The following WWP1 variants were observed in gnomAD, a reference collection of about 807,000 sequenced individuals.
The protein encoded by WWP1 is NEDD4-like E3 ubiquitin-protein ligase WWP1.
In WWP1, 49 loss-of-function variants were observed where a neutral mutation model predicts 130.6. The ratio of observed to expected loss-of-function variants is 0.38; its 90% CI spans 0.30 to 0.48. The LOEUF (loss-of-function observed/expected upper bound fraction) is 0.48, where lower values mean the gene tolerates loss of function less well. WWP1 is among the 20% of genes least tolerant of loss of function. The pLI, the probability that WWP1 is intolerant of heterozygous loss-of-function variation, is 0.99. For synonymous variants in WWP1, 332 were observed against 367.8 expected (o/e 0.90, Z 1.11); for missense variants, 809 against 1,100.6 (o/e 0.74, Z 3.75).
intron 10 of WWP1, among the ~76,000 whole-genome samples, chr8:86,426,168 A>G (rs1809614694): frequency 6.6e-6 from 1 of 152,240 alleles, no homozygotes; most frequent in Admixed American, 6.5e-5. Context: ...ATATTGCAAT[A>G]TAGCAAACCA....
chr8:86,457,033 A>G (rs1586506612), intron 21 of WWP1, among the ~76,000 whole-genome samples: 1 of 152,100 alleles, frequency 6.6e-6, no homozygotes, highest in Non-Finnish European at 1.5e-5. Context: ...TGATGGAAAT[A>G]TTCTATATCT....
intron 5 of WWP1, among the ~76,000 whole-genome samples, chr8:86,392,586 T>C (rs572337174): frequency 1.3e-5 from 2 of 152,354 alleles, no homozygotes; most frequent in South Asian, 2.1e-4. Flanking sequence ...TCTCTTTATA[T>C]TGAATGGTGG....
At chr8:86,445,976 C>CTTTTCTTTTCTTT (rs1216312552) in intron 18 of WWP1, among the ~76,000 whole-genome samples, 2 of 84,984 alleles carry the variant, frequency 2.4e-5, no homozygotes, top group African/African-American at 8.6e-5. Context: ...CTTTTCTTTT[C>CTTTTCTTTTCTTT]TTTTTTTTTT....
chr8:86,444,179 A>G (rs1810739492), intron 18 of WWP1, among the ~76,000 whole-genome samples: 1 of 152,212 alleles, frequency 6.6e-6, no homozygotes, highest in Admixed American at 6.5e-5. Context: ...GATTCTGGGT[A>G]TATTGCGAAG....
intron 9 of WWP1, among the ~76,000 whole-genome samples, chr8:86,413,155 A>G (rs1808686910): frequency 1.3e-5 from 2 of 152,002 alleles, no homozygotes; most frequent in African/African-American, 2.4e-5. Context: ...TATTAAATCT[A>G]TATGTTCAGG....
rs1367589037 is a variant in WWP1, at chr8:86,420,077, A to G, written c.1062-5146A>G. On this transcript the variant is annotated intron_variant, in intron 9 of 24. Coordinates refer to ENST00000517970, the MANE Select transcript of WWP1 (RefSeq NM_007013.4). ...ATGTCTTCTTTCTTAGAAAGCTACT[A>G]GGACTTGTGTTTTCCCAAAACTGGG... 3.9e-5 allele frequency among the ~76,000 whole-genome samples: 6 copies of G among 152,284 alleles called. No homozygotes were observed. The South Asian group carries it at 1.0e-3, about 26-fold the overall frequency.
intron 2 of WWP1, among the ~76,000 whole-genome samples, chr8:86,373,638 A>T (rs1026456600): frequency 1.3e-5 from 2 of 152,172 alleles, no homozygotes; most frequent in Non-Finnish European, 2.9e-5. Context: ...TCTTCGTCTT[A>T]GGTACTCCCA....
At chr8:86,391,295 A>C (rs1807324031) in intron 5 of WWP1, among the ~76,000 whole-genome samples, 1 of 152,134 alleles carries the variant, frequency 6.6e-6, no homozygotes, top group Non-Finnish European at 1.5e-5. Context: ...ATTGTCTCAG[A>C]ATGTTTGTGG....
intron 21 of WWP1, among the ~76,000 whole-genome samples, chr8:86,457,637 G>A (rs193173013): frequency 6.6e-6 from 1 of 151,986 alleles, no homozygotes; most frequent in Admixed American, 6.5e-5. Flanking sequence ...ATATACATAC[G>A]GTAAAGGATA....
intron 8 of WWP1, among the ~76,000 whole-genome samples, chr8:86,409,573 C>T (rs544447647): frequency 9.4e-5 from 14 of 149,230 alleles, no homozygotes; most frequent in African/African-American, 3.2e-4. Flanking sequence ...GAAGTTCTTA[C>T]AATAGGCTGG....
At chr8:86,393,695 C>T (rs1353750961) in intron 5 of WWP1, among the ~76,000 whole-genome samples, 4 of 152,062 alleles carry the variant, frequency 2.6e-5, no homozygotes, top group Non-Finnish European at 5.9e-5. Context: ...AGCTATGTAA[C>T]CTAATGTGTT....
chr8:86,358,465 C>T (rs1215408378), intron 1 of WWP1, among the ~76,000 whole-genome samples: 1 of 140,376 alleles, frequency 7.1e-6, no homozygotes, highest in East Asian at 2.0e-4. Context: ...TCATTTAATA[C>T]ACATTTATTG....
At position 86,450,360 on chromosome 8, in the gene WWP1, G is replaced by GA. The variant is rs1281092319; in HGVS notation, c.2273+1854dup. On this transcript the variant is annotated intron_variant, in intron 20 of 24. Coordinates refer to ENST00000517970, the MANE Select transcript of WWP1 (RefSeq NM_007013.4). ...CAGTGTGCATTTATTACGCTAGTTG[G>GA]AAAAAAACAGTAACACTATATTTTG... 5.3e-5 allele frequency among the ~76,000 whole-genome samples: 8 copies of GA among 151,934 alleles called. No homozygotes were observed. In the South Asian group the frequency reaches 1.5e-3, roughly 28 times the overall value.
intron 3 of WWP1, among the ~76,000 whole-genome samples, chr8:86,377,666 C>T (rs1824744149): frequency 6.6e-6 from 1 of 152,066 alleles, no homozygotes; most frequent in African/African-American, 2.4e-5. Context: ...TAGTAATATA[C>T]TGTAATGTAC....
At chr8:86,415,647 T>TTTA (rs1563511452) in intron 9 of WWP1, among the ~76,000 whole-genome samples, 2 of 152,334 alleles carry the variant, frequency 1.3e-5, no homozygotes, top group East Asian at 3.9e-4. Context: ...AGAACATTAA[T>TTTA]ATCACCCTAG....
chr8:86,456,379 CA>C (rs1172586419), intron 21 of WWP1, among the ~76,000 whole-genome samples: 2 of 151,870 alleles, frequency 1.3e-5, no homozygotes, highest in East Asian at 3.9e-4. Context: ...AATATATTAA[CA>C]AAAAAACTCA....
intron 5 of WWP1, among the ~76,000 whole-genome samples, chr8:86,389,842 A>T (rs990546832): frequency 6.8e-6 from 1 of 147,160 alleles, no homozygotes; most frequent in Non-Finnish European, 1.5e-5. Flanking sequence ...GCTGCCCCCC[A>T]CCTCCTTCCC....
chr8:86,380,907 T>C (rs1015690385), intron 4 of WWP1, 43 bp downstream of exon 4: 1 of 1,531,768 alleles, frequency 6.5e-7, no homozygotes, highest in African/African-American at 1.4e-5. Flanking sequence ...CACAAGAAAG[T>C]GTATTTTTTG....
chr8:86,428,451 A>T (rs1682508876), intron 11 of WWP1, among the ~76,000 whole-genome samples: 1 of 152,238 alleles, frequency 6.6e-6, no homozygotes, highest in South Asian at 2.1e-4. Flanking sequence ...TAAGTACTGG[A>T]CAACTACAGA....
Sources: allele counts gnomAD v4.1 joint callset (sites outside exome capture counted in the v4.1 genomes callset), GRCh38; gene constraint gnomAD v4.1.1; transcripts MANE v1.5; gene names NCBI Gene and HGNC (gene_info 2026-07-23, HGNC 2026-07-21).